SRPK2: variants seen among roughly 807,000 people sequenced by gnomAD.
SRPK2 encodes SFRS protein kinase 2.
SRPK2 carries 21 observed loss-of-function variants against 90.8 expected under a neutral mutation model. That is an observed-to-expected ratio of 0.23 (90% CI 0.16 to 0.33). SRPK2 has a LOEUF of 0.33. SRPK2 is among the 10% of genes least tolerant of loss of function. SRPK2 has a pLI of 1.00. For missense variants in SRPK2, 620 were observed against 869.0 expected, an observed-to-expected ratio of 0.71 and a Z score of 3.60; for synonymous variants, 288 against 311.1, an observed-to-expected ratio of 0.93 and a Z score of 0.78.
At chr7:105,201,099 A>C (rs1937714301) in intron 3 of SRPK2, among the ~76,000 whole-genome samples, 1 of 152,222 alleles carries the variant, frequency 6.6e-6, no homozygotes, top group South Asian at 2.1e-4. Flanking sequence ...GAGGGGATTT[A>C]TCTCTTTATC....
At chr7:105,330,595 C>T (rs898134922) in intron 2 of SRPK2, among the ~76,000 whole-genome samples, 2 of 151,944 alleles carry the variant, frequency 1.3e-5, no homozygotes, top group African/African-American at 2.4e-5. Context: ...TTAATGAATT[C>T]GATAATTTGT....
intron 2 of SRPK2, chr7:105,244,993 T>C: frequency 1.0e-6 from 1 of 998,086 alleles, no homozygotes; most frequent in Non-Finnish European, 1.5e-6. Flanking sequence ...GCCCTCTCCC[T>C]GAAATAAAGA....
intron 9 of SRPK2, among the ~76,000 whole-genome samples, chr7:105,144,681 T>C (rs1240704966): frequency 6.6e-6 from 1 of 152,074 alleles, no homozygotes; most frequent in African/African-American, 2.4e-5. Flanking sequence ...TGTAAAGTGG[T>C]TTTGAAATAA....
At chr7:105,353,817 T>C (rs2132109281) in intron 2 of SRPK2, among the ~76,000 whole-genome samples, 1 of 152,312 alleles carries the variant, frequency 6.6e-6, no homozygotes, top group South Asian at 2.1e-4. Context: ...GGCAGACTTT[T>C]TTAATTCTTC....
intron 3 of SRPK2, among the ~76,000 whole-genome samples, chr7:105,202,979 T>C (rs1795744041): frequency 6.6e-6 from 1 of 152,202 alleles, no homozygotes; most frequent in African/African-American, 2.4e-5. Context: ...TTTATTATTT[T>C]AATGTTTTTA....
chr7:105,257,576 A>T (rs1272387316), intron 2 of SRPK2, among the ~76,000 whole-genome samples: 1 of 152,196 alleles, frequency 6.6e-6, no homozygotes, highest in Non-Finnish European at 1.5e-5. Context: ...GCTAACACAT[A>T]TTTATGTCCC....
upstream of SRPK2, among the ~76,000 whole-genome samples, chr7:105,391,411 G>C (rs999535545): frequency 6.6e-6 from 1 of 152,056 alleles, no homozygotes; most frequent in Non-Finnish European, 1.5e-5. Flanking sequence ...CTCCATGTTG[G>C]TCAGGATGGT....
At chr7:105,343,496 C>T (rs1225128249) in intron 2 of SRPK2, among the ~76,000 whole-genome samples, 1 of 152,152 alleles carries the variant, frequency 6.6e-6, no homozygotes, top group Non-Finnish European at 1.5e-5. Flanking sequence ...GTAATGGAGT[C>T]TTTGACATAG....
intron 2 of SRPK2, among the ~76,000 whole-genome samples, chr7:105,344,524 T>TG (rs1816227847): frequency 6.7e-6 from 1 of 150,054 alleles, no homozygotes; most frequent in Non-Finnish European, 1.5e-5. Flanking sequence ...AAAGAGTACC[T>TG]GGGCTATGCA....
intron 3 of SRPK2, among the ~76,000 whole-genome samples, chr7:105,202,830 T>C (rs1177451213): frequency 2.0e-5 from 3 of 152,208 alleles, no homozygotes; most frequent in Non-Finnish European, 2.9e-5. Flanking sequence ...ATAAACGCTA[T>C]GTAATTCAAT....
chr7:105,382,179 T>C (rs146875986), intron 2 of SRPK2, among the ~76,000 whole-genome samples: 14 of 141,194 alleles, frequency 9.9e-5, no homozygotes, highest in Admixed American at 2.1e-4. Flanking sequence ...AAAAAAAAAG[T>C]AGAAGCAAAG....
intron 2 of SRPK2, among the ~76,000 whole-genome samples, chr7:105,312,348 G>C (rs1811796816): frequency 6.7e-6 from 1 of 148,846 alleles, no homozygotes; most frequent in Admixed American, 6.8e-5. Context: ...GCTGAGACTG[G>C]AGAATCGTTT....
chr7:105,233,369 A>G (rs1023373686), intron 2 of SRPK2, among the ~76,000 whole-genome samples: 1 of 152,242 alleles, frequency 6.6e-6, no homozygotes, highest in African/African-American at 2.4e-5. Context: ...TGACCTTAGT[A>G]ACAGCCAAGG....
Position 105,276,758 on chromosome 7 carries a change from G to A in SRPK2, c.72-72973C>T, listed in dbSNP as rs138350055. Among the ~76,000 whole-genome samples, 559 of 152,076 alleles carry A rather than the reference G, an allele frequency of 3.7e-3. 4 individuals are homozygous for A. The highest frequency in any genetic ancestry group is 0.013 in the African/African-American group (527 of 41,500). On this transcript the variant is annotated intron_variant, in intron 2 of 15. Coordinates refer to ENST00000393651, the MANE Select transcript of SRPK2 (RefSeq NM_182692.3). ...GTCTGAAAAGAAAAGAAACAAATAC[G>A]TGTTAAGGTTGCCTGAAATGACAGG... is the stretch of plus-strand genomic sequence containing the variant.
intron 2 of SRPK2, among the ~76,000 whole-genome samples, chr7:105,305,652 GA>G (rs1811065052): frequency 6.7e-6 from 1 of 148,282 alleles, no homozygotes; most frequent in Non-Finnish European, 1.5e-5. Context: ...TGTTGGAGAG[GA>G]AAACACTCTT....
chr7:105,373,453 A>G (rs1585945764), intron 2 of SRPK2, among the ~76,000 whole-genome samples: 1 of 133,218 alleles, frequency 7.5e-6, no homozygotes, highest in Non-Finnish European at 1.6e-5. Flanking sequence ...CCCAGGATGG[A>G]GTGCAGCGGC....
chr7:105,206,839 A>G lies in SRPK2; in HGVS notation c.72-3054T>C, dbSNP rs575227311. 2.1e-3 allele frequency among the ~76,000 whole-genome samples: 326 copies of G among 152,358 alleles called. 1 individual carries two copies. The highest frequency in any genetic ancestry group is 6.8e-3 in the Middle Eastern group (2 of 294). ...CACGAGTATTTCTAGTGGATGGTAG[A>G]ACTCTGGACCTTTCAGATCCAACCT... On this transcript the variant is annotated intron_variant, in intron 2 of 15. Transcript: ENST00000393651.
chr7:105,362,345 C>T (rs1015972660), intron 2 of SRPK2, among the ~76,000 whole-genome samples: 24 of 152,012 alleles, frequency 1.6e-4, no homozygotes, highest in African/African-American at 4.6e-4. Context: ...CGGTGGCTCA[C>T]GCCTGTAGTC....
intron 2 of SRPK2, among the ~76,000 whole-genome samples, chr7:105,291,117 A>G (rs1219615927): frequency 6.6e-6 from 1 of 151,886 alleles, no homozygotes; most frequent in Non-Finnish European, 1.5e-5. Flanking sequence ...CCAAAGCTAC[A>G]GAGAACCTAT....
Sources: allele counts gnomAD v4.1 joint callset (sites outside exome capture counted in the v4.1 genomes callset), GRCh38; gene constraint gnomAD v4.1.1; transcripts MANE v1.5; gene names NCBI Gene and HGNC (gene_info 2026-07-23, HGNC 2026-07-21).